The following NKAIN2 variants were observed in gnomAD, a reference collection of about 807,000 sequenced individuals.
NKAIN2 encodes the protein sodium/potassium transporting ATPase interacting 2, also known as sodium/potassium-transporting ATPase subunit beta-1-interacting protein 2.
A neutral mutation model predicts 32.6 loss-of-function variants in NKAIN2; 14 were observed. That is an observed-to-expected ratio of 0.43 (90% CI 0.28 to 0.67). The LOEUF (loss-of-function observed/expected upper bound fraction) is 0.67, where lower values mean the gene tolerates loss of function less well. NKAIN2 is among the 30% of genes least tolerant of loss of function. NKAIN2 has a pLI of 0.17. For missense variants in NKAIN2, 198 were observed against 258.3 expected, an observed-to-expected ratio of 0.77 and a Z score of 1.60; for synonymous variants, 80 against 87.2, an observed-to-expected ratio of 0.92 and a Z score of 0.46.
intron 4 of NKAIN2, among the ~76,000 whole-genome samples, chr6:124,766,871 T>C (rs1354681577): frequency 1.3e-5 from 2 of 152,088 alleles, no homozygotes; most frequent in Non-Finnish European, 2.9e-5. Context: ...CTGTGAGTAT[T>C]TTCCTCCTTT....
chr6:124,818,327 T>G (rs1923726), intron 5 of NKAIN2, 60 bp from the exon 6 acceptor site: 540,241 of 822,872 alleles, frequency 0.66, 179,840 homozygotes, highest in Admixed American at 0.72. Flanking sequence ...TCTGTGTGGG[T>G]GCTTGATCAT....
intron 3 of NKAIN2, among the ~76,000 whole-genome samples, chr6:124,503,304 C>G (rs1015700085): frequency 1.3e-5 from 2 of 152,064 alleles, no homozygotes; most frequent in Non-Finnish European, 2.9e-5. Context: ...AAGACTACTA[C>G]TTTTAGGAAT....
intron 1 of NKAIN2, among the ~76,000 whole-genome samples, chr6:123,842,616 A>T (rs2114937919): frequency 6.6e-6 from 1 of 152,126 alleles, no homozygotes; most frequent in South Asian, 2.1e-4. Context: ...GAACTTTACA[A>T]CTTCAGCAAG....
At chr6:124,569,273 G>T (rs1176887478) in intron 3 of NKAIN2, among the ~76,000 whole-genome samples, 1 of 152,116 alleles carries the variant, frequency 6.6e-6, no homozygotes, top group Non-Finnish European at 1.5e-5. Flanking sequence ...TGAGATAGAT[G>T]CCATCTGATG....
At chr6:124,500,495 A>T (rs1429884790) in intron 3 of NKAIN2, among the ~76,000 whole-genome samples, 1 of 152,018 alleles carries the variant, frequency 6.6e-6, no homozygotes, top group African/African-American at 2.4e-5. Flanking sequence ...CTAACAAAAA[A>T]GTACAAAAAT....
At position 124,508,490 on chromosome 6, in the gene NKAIN2, G is replaced by A. The variant is rs940438729; in HGVS notation, c.274-149696G>A. ...CTCCCTAGTAGCTGGGACTACAGGC[G>A]CCACCATGCCCGGCTAATTTTTTTT... On this transcript the variant is annotated intron_variant, in intron 3 of 6. Transcript: ENST00000368417. 1.5e-4 allele frequency among the ~76,000 whole-genome samples: 18 copies of A among 118,110 alleles called. No individual in the cohort carries two copies. The Admixed American group carries it at 1.5e-3, about 10-fold the overall frequency. The allele number at this position is 118,110 out of a possible 152,430, so 77.5% of individuals were successfully genotyped here. A position where few individuals can be genotyped will look rare whatever the true frequency, so the allele number is the denominator to read the frequency against.
chr6:124,369,106 T>C (rs566889469), intron 3 of NKAIN2, among the ~76,000 whole-genome samples: 1 of 152,132 alleles, frequency 6.6e-6, no homozygotes, highest in African/African-American at 2.4e-5. Flanking sequence ...CATTCCAAGA[T>C]AGTATCCTGC....
chr6:123,929,464 A>G (rs955009952), intron 1 of NKAIN2, among the ~76,000 whole-genome samples: 5 of 152,122 alleles, frequency 3.3e-5, no homozygotes, highest in Non-Finnish European at 7.4e-5. Flanking sequence ...TCTGTTTCAT[A>G]TCTTTTTTTG....
At chr6:124,542,899 T>C (rs188951396) in intron 3 of NKAIN2, among the ~76,000 whole-genome samples, 30 of 152,222 alleles carry the variant, frequency 2.0e-4, no homozygotes, top group African/African-American at 7.0e-4. Context: ...AAAAGAAGAA[T>C]TAACAAATAA....
chr6:124,138,818 C>T (rs1786976621), intron 1 of NKAIN2, among the ~76,000 whole-genome samples: 1 of 150,120 alleles, frequency 6.7e-6, no homozygotes, highest in Non-Finnish European at 1.5e-5. Context: ...ATCTAAGTAA[C>T]TCAGGAATGG....
chr6:124,357,797 T>A (rs1363638870), intron 3 of NKAIN2, among the ~76,000 whole-genome samples: 1 of 147,860 alleles, frequency 6.8e-6, no homozygotes, highest in Non-Finnish European at 1.5e-5. Flanking sequence ...TTATTATACT[T>A]TAAGTTTTAG....
At position 123,839,633 on chromosome 6, in the gene NKAIN2, C is replaced by CT. The variant is rs1774784600; in HGVS notation, c.54+35384dup. ...TGTTAACTACCCTCTCTCCCACCTA[C>CT]TTTTTCTTTTGCAACACTACAGCAA... On this transcript the variant is annotated intron_variant, in intron 1 of 6. Transcript: ENST00000368417. Among the ~76,000 whole-genome samples the CT allele has an allele frequency of 2.6e-5, 4 of 152,276 alleles. No individual in the cohort carries two copies. The South Asian group carries it at 8.3e-4, about 32-fold the overall frequency.
chr6:124,236,025 T>A (rs925684781), intron 1 of NKAIN2, among the ~76,000 whole-genome samples: 1 of 152,142 alleles, frequency 6.6e-6, no homozygotes, highest in Admixed American at 6.6e-5. Flanking sequence ...AAAATGTTTC[T>A]AGGGAAATTG....
chr6:124,100,806 C>T (rs1002684582), intron 1 of NKAIN2, among the ~76,000 whole-genome samples: 1 of 152,164 alleles, frequency 6.6e-6, no homozygotes, highest in African/African-American at 2.4e-5. Context: ...AGAACCTTCC[C>T]TCTATTATCT....
chr6:123,998,741 C>CTG (rs530702348), intron 1 of NKAIN2, among the ~76,000 whole-genome samples: 36,374 of 131,382 alleles, frequency 0.28, 4,910 homozygotes, highest in Admixed American at 0.43. Context: ...CTCTCTCTCT[C>CTG]TCTGTGTGTG....
intron 4 of NKAIN2, among the ~76,000 whole-genome samples, chr6:124,714,712 C>T (rs1055326754): frequency 3.3e-5 from 5 of 152,194 alleles, no homozygotes; most frequent in Non-Finnish European, 4.4e-5. Context: ...TTCCCTGAGG[C>T]AGGCTTTGAT....
chr6:124,408,332 C>T (rs1773969774), intron 3 of NKAIN2, among the ~76,000 whole-genome samples: 1 of 152,160 alleles, frequency 6.6e-6, no homozygotes, highest in Non-Finnish European at 1.5e-5. Context: ...GGTTTTACAT[C>T]TAACATGTAA....
At chr6:124,683,275 G>A (rs567452072) in intron 4 of NKAIN2, among the ~76,000 whole-genome samples, 4 of 152,230 alleles carry the variant, frequency 2.6e-5, no homozygotes, top group Non-Finnish European at 4.4e-5. Flanking sequence ...AGAAAATTCC[G>A]TTCCTGTGGG....
intron 1 of NKAIN2, among the ~76,000 whole-genome samples, chr6:123,880,146 T>C (rs1773381625): frequency 6.6e-6 from 1 of 152,168 alleles, no homozygotes; most frequent in Admixed American, 6.5e-5. Context: ...TTGCAGTATA[T>C]GTAAGGGACT....
Sources: gnomAD v4.1 joint callset for allele counts (sites outside exome capture counted in the v4.1 genomes callset) on GRCh38, gnomAD v4.1.1 for gene constraint, MANE v1.5 for transcripts, NCBI Gene and HGNC (gene_info 2026-07-23, HGNC 2026-07-21) for gene names.